The following SDC2 variants were observed in gnomAD, a reference collection of about 807,000 sequenced individuals.
SDC2 encodes syndecan-2.
SDC2 carries 13 observed loss-of-function variants against 22.2 expected under a neutral mutation model. That is an observed-to-expected ratio of 0.59 (90% CI 0.38 to 0.93). The LOEUF is 0.93. SDC2 is among the 40% of genes least tolerant of loss of function. The probability of loss-of-function intolerance (pLI) is 0.00; values close to 1 mark genes in which losing one functional copy is unlikely to be tolerated. For missense variants in SDC2, 235 were observed against 246.8 expected, an observed-to-expected ratio of 0.95 and a Z score of 0.32; for synonymous variants, 94 against 92.8, an observed-to-expected ratio of 1.01 and a Z score of -0.07.
Position 96,493,900 on chromosome 8 carries a change from G to A in SDC2, c.-372G>A, listed in dbSNP as rs1813002235. The A allele has an allele frequency of 4.3e-6, 1 of 229,902 alleles. No individual in the cohort carries two copies. Among genetic ancestry groups the A allele is most frequent in the Non-Finnish European group, 8.5e-6 (1 of 118,268 alleles). The allele number at this position is 229,902 out of a possible 1,614,324, so 14.2% of individuals were successfully genotyped here. Reference sequence around the variant, plus strand: ...TGCCGTAGCTCCCTTTCAAGCCAGCGAATTTATTCCTTAAAACCAGAAACT... The same window carrying A: ...TGCCGTAGCTCCCTTTCAAGCCAGCAAATTTATTCCTTAAAACCAGAAACT... On this transcript the variant is annotated 5_prime_UTR_variant, in exon 1 of 5. Coordinates refer to ENST00000302190, the MANE Select transcript of SDC2 (RefSeq NM_002998.4).
rs116458570 is a variant in SDC2, at chr8:96,593,581, G to C, written c.162G>C (p.Ala54=). 3.1e-6 allele frequency: 5 copies of C among 1,610,150 alleles called. No individual in the cohort carries two copies. In the African/African-American group the frequency reaches 5.3e-5, roughly 17 times the overall value. Residue 54 remains alanine, a synonymous_variant, in exon 2 of 5, where the codon GCG becomes GCC. Transcript: ENST00000302190. ...YPIDDDDYAS[A]SGSGADEDVE... ...TTGATGACGATGACTACGCTTCTGC[G>C]TCTGGCTCGGGTAAGGTGGCTGCTT...
intron 1 of SDC2, among the ~76,000 whole-genome samples, chr8:96,526,572 C>T (rs1198666288): frequency 2.0e-5 from 3 of 151,960 alleles, no homozygotes; most frequent in Non-Finnish European, 4.4e-5. Context: ...GCAGGTTGCA[C>T]CCAGAGAACT....
intron 3 of SDC2, 48 bp downstream of exon 3, chr8:96,602,576 C>T (rs1376681127): frequency 6.3e-7 from 1 of 1,597,192 alleles, no homozygotes; most frequent in African/African-American, 1.3e-5. Flanking sequence ...ATTACAAATG[C>T]TTCACTTTAC....
At chr8:96,562,924 C>CT (rs372208719) in intron 1 of SDC2, among the ~76,000 whole-genome samples, 27 of 150,044 alleles carry the variant, frequency 1.8e-4, no homozygotes, top group East Asian at 5.9e-4. Flanking sequence ...GAGCTCCACT[C>CT]TTTTTTTTTT....
intron 1 of SDC2, among the ~76,000 whole-genome samples, chr8:96,591,549 C>T (rs982521254): frequency 2.0e-5 from 3 of 152,054 alleles, no homozygotes; most frequent in Non-Finnish European, 4.4e-5. Flanking sequence ...TTGTACTCTG[C>T]TGAGGGGCAA....
At chr8:96,522,025 AGT>A (rs1334810376) in intron 1 of SDC2, among the ~76,000 whole-genome samples, 2 of 152,182 alleles carry the variant, frequency 1.3e-5, no homozygotes, top group East Asian at 1.9e-4. Context: ...GTGTGAGCTG[AGT>A]GTGTGTCTTT....
In SDC2 at chr8:96,533,164, C is replaced by T. The variant is rs188973822; in HGVS notation, c.60+38833C>T. ...TTACAGCTCATAAAGGTGGTGTGGA[C>T]CCAAAGAGTGAGCAGTAGCAAGATT... On this transcript the variant is annotated intron_variant, in intron 1 of 4. Transcript: ENST00000302190. Among the ~76,000 whole-genome samples, 737 of 152,174 alleles carry T rather than the reference C, an allele frequency of 4.8e-3. 2 individuals are homozygous for T. Among genetic ancestry groups the T allele is most frequent in the Non-Finnish European group, 8.6e-3 (583 of 68,002 alleles).
At chr8:96,529,703 C>T (rs1403704397) in intron 1 of SDC2, among the ~76,000 whole-genome samples, 2 of 152,144 alleles carry the variant, frequency 1.3e-5, no homozygotes, top group African/African-American at 4.8e-5. Flanking sequence ...GCAGCTGACC[C>T]CAAAGGTCTT....
intron 1 of SDC2, among the ~76,000 whole-genome samples, chr8:96,516,395 C>T (rs936378944): frequency 6.6e-6 from 1 of 152,092 alleles, no homozygotes; most frequent in Non-Finnish European, 1.5e-5. Flanking sequence ...TAGAGTTGTA[C>T]ATATAGGTAC....
At chr8:96,589,961 A>G (rs1814751138) in intron 1 of SDC2, among the ~76,000 whole-genome samples, 1 of 152,220 alleles carries the variant, frequency 6.6e-6, no homozygotes, top group Admixed American at 6.5e-5. Flanking sequence ...CCTTCCTTCT[A>G]GGCATTGTGG....
intron 2 of SDC2, 145 bp downstream of exon 2, chr8:96,593,736 C>G (rs2130634575): frequency 1.7e-6 from 1 of 592,024 alleles, no homozygotes; most frequent in Admixed American, 2.9e-5. Flanking sequence ...GGTGCTAATT[C>G]TAGCTCTCTC....
chr8:96,504,839 T>C (rs1344041293), intron 1 of SDC2, among the ~76,000 whole-genome samples: 1 of 152,132 alleles, frequency 6.6e-6, no homozygotes, highest in Non-Finnish European at 1.5e-5. Flanking sequence ...TTATTTCACC[T>C]GAGTGCAGGC....
intron 1 of SDC2, among the ~76,000 whole-genome samples, chr8:96,521,877 A>AT (rs1372558663): frequency 5.9e-5 from 9 of 152,226 alleles, no homozygotes; most frequent in Admixed American, 5.9e-4. Context: ...CTTATTGAAC[A>AT]TTGTCAACCT....
At chr8:96,538,742 C>T (rs1395887120) in intron 1 of SDC2, 1 of 152,226 alleles carries the variant, frequency 6.6e-6, no homozygotes, top group Non-Finnish European at 1.5e-5. Flanking sequence ...AGAATTCAAT[C>T]AAATCTTCAG....
chr8:96,551,249 C>T (rs1814020113), intron 1 of SDC2, among the ~76,000 whole-genome samples: 1 of 152,222 alleles, frequency 6.6e-6, no homozygotes, highest in African/African-American at 2.4e-5. Flanking sequence ...CCAAGAAGTT[C>T]ACTTCTCACT....
At chr8:96,557,676 G>C (rs1285784581) in intron 1 of SDC2, among the ~76,000 whole-genome samples, 2 of 152,108 alleles carry the variant, frequency 1.3e-5, no homozygotes, top group Non-Finnish European at 1.5e-5. Flanking sequence ...CCTAATGGTA[G>C]ATGACGAGTT....
At chr8:96,555,093 C>A (rs902458732) in intron 1 of SDC2, among the ~76,000 whole-genome samples, 1 of 151,948 alleles carries the variant, frequency 6.6e-6, no homozygotes, top group Admixed American at 6.6e-5. Context: ...AACTCTTTTT[C>A]TGCAGTGTAT....
intron 1 of SDC2, among the ~76,000 whole-genome samples, chr8:96,583,898 C>A (rs1282980030): frequency 6.6e-6 from 1 of 151,282 alleles, no homozygotes; most frequent in Non-Finnish European, 1.5e-5. Context: ...ACATAGTACA[C>A]CCCTGTAGTG....
At chr8:96,606,164 C>A (rs1815075761) in intron 3 of SDC2, among the ~76,000 whole-genome samples, 1 of 152,090 alleles carries the variant, frequency 6.6e-6, no homozygotes, top group Non-Finnish European at 1.5e-5. Flanking sequence ...CACTCTGTTA[C>A]CCAGGCTAGA....
Sources: allele counts gnomAD v4.1 joint callset (sites outside exome capture counted in the v4.1 genomes callset), GRCh38; gene constraint gnomAD v4.1.1; transcripts MANE v1.5; gene names NCBI Gene and HGNC (gene_info 2026-07-23, HGNC 2026-07-21).